Variants in CTCF observed in about 807,000 individuals in gnomAD.
The protein encoded by CTCF is CCCTC-binding factor.
Under a neutral mutation model 72.3 loss-of-function variants are expected in CTCF, and 7 were observed. That is an observed-to-expected ratio of 0.10 (90% CI 0.06 to 0.18). CTCF has a LOEUF of 0.18. Ranked by LOEUF, CTCF falls within the 10% of genes least tolerant of loss-of-function variation. CTCF has a pLI of 1.00. For missense variants in CTCF, 516 were observed against 949.1 expected (o/e 0.54, Z 6.00); for synonymous variants, 374 against 315.8 (o/e 1.18, Z -1.95).
rs549111284 is a variant in CTCF at position 67,608,018 on chromosome 16, CA to C, written c.-9-2791del. Among the ~76,000 whole-genome samples the C allele has an allele frequency of 4.5e-3, 477 of 105,718 alleles. 2 individuals are homozygous for C. The highest frequency in any genetic ancestry group is 6.1e-3 in the Non-Finnish European group (325 of 53,642). The allele number at this position is 105,718 out of a possible 152,430, so 69.4% of individuals were successfully genotyped here. The stretch of plus-strand genomic sequence containing the variant: ...TGGGCGACAGTGCGAGACTCCGACT[CA>C]AAAAAAAAAAAAAAGTAAAAACCGG... On this transcript the variant is annotated intron_variant, in intron 2 of 11. Coordinates refer to ENST00000264010, the MANE Select transcript of CTCF (RefSeq NM_006565.4).
chr16:67,591,760 C>T (rs915107416), intron 2 of CTCF, among the ~76,000 whole-genome samples: 2 of 152,096 alleles, frequency 1.3e-5, no homozygotes, highest in Non-Finnish European at 2.9e-5. Flanking sequence ...TGCGCTGTCA[C>T]TCAGACTGGA....
At chr16:67,576,982 C>T (rs979460104) in intron 2 of CTCF, among the ~76,000 whole-genome samples, 5 of 151,860 alleles carry the variant, frequency 3.3e-5, no homozygotes, top group East Asian at 1.9e-4. Context: ...GAGGGGACTG[C>T]GAATTTGGAT....
At chr16:67,619,812 G>C (rs1485902483) in intron 5 of CTCF, among the ~76,000 whole-genome samples, 2 of 152,156 alleles carry the variant, frequency 1.3e-5, no homozygotes. Context: ...TCGAACTCCT[G>C]ACCTCAAGCA....
At chr16:67,621,120 C>T in intron 6 of CTCF, 1 of 363,086 alleles carries the variant, frequency 2.8e-6, no homozygotes, top group Non-Finnish European at 5.0e-6. Context: ...TCCTAACCTA[C>T]CTTATTCAGT....
intron 11 of CTCF, 44 bp from the exon 12 acceptor site, chr16:67,637,644 G>T: frequency 6.5e-7 from 1 of 1,549,662 alleles, no homozygotes; most frequent in Non-Finnish European, 8.8e-7. Context: ...TGATTCTTGG[G>T]GCTTTAATGG....
chr16:67,584,334 C>CGTCTTTTTTTTTTTT (rs1567596519), intron 2 of CTCF, among the ~76,000 whole-genome samples: 3 of 121,916 alleles, frequency 2.5e-5, no homozygotes, highest in African/African-American at 1.1e-4. Flanking sequence ...AAAAAAAAGT[C>CGTCTTTTTTTTTTTT]TTCTTTTTTT....
intron 1 of CTCF, among the ~76,000 whole-genome samples, chr16:67,565,033 T>C (rs1054286168): frequency 1.3e-5 from 2 of 151,786 alleles, no homozygotes; most frequent in Non-Finnish European, 2.9e-5. Context: ...CGGAGTCTCG[T>C]TCTGTCCCCT....
intron 2 of CTCF, among the ~76,000 whole-genome samples, chr16:67,602,868 A>C (rs565269032): frequency 0.014 from 2,052 of 151,230 alleles, 16 homozygotes; most frequent in Non-Finnish European, 0.022. Context: ...AAAAGAGAAG[A>C]AAATCTTAAT....
chr16:67,619,161 C>T (rs983508295), intron 5 of CTCF, among the ~76,000 whole-genome samples: 10 of 152,280 alleles, frequency 6.6e-5, no homozygotes, highest in East Asian at 3.9e-4. Flanking sequence ...TGGGGCCAGG[C>T]GCGGTAGCTC....
intron 2 of CTCF, among the ~76,000 whole-genome samples, chr16:67,578,851 G>A (rs1597684185): frequency 6.6e-6 from 1 of 152,016 alleles, no homozygotes; most frequent in East Asian, 2.0e-4. Flanking sequence ...AGGTGGCTGA[G>A]GCAGGAGAAT....
intron 2 of CTCF, among the ~76,000 whole-genome samples, chr16:67,598,404 C>G (rs763057540): frequency 6.6e-6 from 1 of 152,040 alleles, no homozygotes; most frequent in Non-Finnish European, 1.5e-5. Context: ...TATACACTTT[C>G]AAGTTTATAG....
chr16:67,568,844 C>CTT (rs994255727), intron 1 of CTCF, among the ~76,000 whole-genome samples: 2 of 134,828 alleles, frequency 1.5e-5, no homozygotes, highest in African/African-American at 6.6e-5. Context: ...TTTGGAAACT[C>CTT]TTTTTTTTTT....
chr16:67,579,571 C>A (rs545669767), intron 2 of CTCF, among the ~76,000 whole-genome samples: 15 of 152,188 alleles, frequency 9.9e-5, no homozygotes, highest in Non-Finnish European at 1.8e-4. Context: ...GTTGGCCAGG[C>A]TGGTCTCAAA....
At position 67,563,942 on chromosome 16, in the gene CTCF, G is replaced by C. The variant is rs181562594; in HGVS notation, c.-127+1218G>C. ...AATTTGCCCATGCGATGAAATATGA[G>C]GGTTGATGTTGTAATTGAATCCTGG... On this transcript the variant is annotated intron_variant, in intron 1 of 11. Coordinates refer to ENST00000264010, the MANE Select transcript of CTCF (RefSeq NM_006565.4). 4 of 152,310 alleles carry C rather than the reference G, an allele frequency of 2.6e-5. No individual in the cohort carries two copies. In the East Asian group the frequency reaches 5.8e-4, roughly 22 times the overall value. 9.4% of individuals were successfully genotyped at this position (152,310 alleles called of 1,614,324 possible).
At chr16:67,621,660 C>A in intron 7 of CTCF, 69 bp downstream of exon 7, 5 of 1,132,764 alleles carry the variant, frequency 4.4e-6, no homozygotes, top group Admixed American at 2.0e-5. Context: ...ATATGGGGAT[C>A]AAAAATAACT....
chr16:67,609,973 A>G (rs1365131493), intron 2 of CTCF, among the ~76,000 whole-genome samples: 1 of 152,004 alleles, frequency 6.6e-6, no homozygotes, highest in African/African-American at 2.4e-5. Flanking sequence ...GTCTTGGAGG[A>G]TGTTTAATAG....
intron 4 of CTCF, among the ~76,000 whole-genome samples, chr16:67,614,024 C>T (rs1237283434): frequency 6.6e-6 from 1 of 152,036 alleles, no homozygotes; most frequent in African/African-American, 2.4e-5. Context: ...AGTTGCATTG[C>T]ATTCTAGGGG....
chr16:67,580,706 C>T (rs903291517), intron 2 of CTCF, among the ~76,000 whole-genome samples: 8 of 150,968 alleles, frequency 5.3e-5, no homozygotes, highest in African/African-American at 1.7e-4. Context: ...GGATTACAGG[C>T]GTGCACCACC....
Position 67,638,702 on chromosome 16 carries a change from A to T in CTCF, c.*830A>T, listed in dbSNP as rs2052466195. On this transcript the variant is annotated 3_prime_UTR_variant, in exon 12 of 12. Transcript: ENST00000264010. ...AATTAACTTTCAGTTATGATTTCCC[A>T]TCGACATTTTCTTTGCCCTGTTTGT... 4.4e-6 allele frequency: 1 copy of T among 227,858 alleles called. No individual in the cohort carries two copies. The highest frequency in any genetic ancestry group is 8.7e-6 in the Non-Finnish European group (1 of 114,522). 14.1% of individuals were successfully genotyped at this position (227,858 alleles called of 1,614,324 possible).
Sources: allele counts gnomAD v4.1 joint callset (sites outside exome capture counted in the v4.1 genomes callset), GRCh38; gene constraint gnomAD v4.1.1; transcripts MANE v1.5; gene names NCBI Gene and HGNC (gene_info 2026-07-23, HGNC 2026-07-21).